The following BARD1 variants were observed in gnomAD, a reference collection of about 807,000 sequenced individuals.
BARD1 encodes the protein BRCA1 associated RING domain 1, also known as BRCA1-associated RING domain protein 1.
A neutral mutation model predicts 77.0 loss-of-function variants in BARD1; 73 were observed. The ratio of observed to expected loss-of-function variants is 0.95; its 90% confidence interval spans 0.79 to 1.15. The LOEUF is 1.15. BARD1 is among the 50% of genes most tolerant of loss of function. The pLI is 0.00. For missense variants in BARD1, 993 were observed against 938.8 expected, an observed-to-expected ratio of 1.06 and a Z score of -0.75; for synonymous variants, 384 against 338.0, an observed-to-expected ratio of 1.14 and a Z score of -1.49.
Position 214,728,683 on chromosome 2 carries a change from T to C in BARD1, c.2327A>G (p.Asp776Gly), listed in dbSNP as rs1315454940. Residue 776 changes from aspartate (D) to glycine (G), a missense_variant, in exon 11 of 11, where the codon GAC (aspartate) becomes GGC (glycine). Transcript: ENST00000260947. ...GTTCATCTGGTATAATATTCAGCTG[T>C]CAAGAGGAAGCAACTCAAAGGACAT... ...CVMSFELLPL[D>G]S 6.2e-7 allele frequency: 1 copy of C among 1,614,162 alleles called. No homozygotes were observed. Among genetic ancestry groups the C allele is most frequent in the Non-Finnish European group, 8.5e-7 (1 of 1,180,018 alleles).
chr2:214,792,383 T>G lies in BARD1; in HGVS notation c.278A>C (p.Gln93Pro). 6.2e-7 allele frequency: 1 copy of G among 1,613,268 alleles called. No homozygotes were observed. The highest frequency in any genetic ancestry group is 1.7e-4 in the Middle Eastern group (1 of 6,058). ...CAGTTGTCTATTTATCTTCAAGTCTTGTATCCAGGCCGGGGTGTAACACAC... is the reference window on the plus strand; with the variant it reads ...CAGTTGTCTATTTATCTTCAAGTCTGGTATCCAGGCCGGGGTGTAACACAC... Reference protein sequence around the residue: ...CPVCYTPAWIQDLKINRQLDS... With the variant: ...CPVCYTPAWIPDLKINRQLDS... The change falls in exon 3 of 11, where the codon CAA (glutamine) becomes CCA (proline). Residue 93 changes from glutamine to proline, a missense_variant. By Grantham distance (76) the Gln-to-Pro change is moderately conservative (BLOSUM62 -1). Coordinates refer to ENST00000260947, the MANE Select transcript of BARD1 (RefSeq NM_000465.4).
At chr2:214,767,123 G>A (rs769980675) in intron 6 of BARD1, among the ~76,000 whole-genome samples, 22 of 152,112 alleles carry the variant, frequency 1.4e-4, no homozygotes, top group Non-Finnish European at 2.1e-4. Flanking sequence ...ATGGCCTCCA[G>A]CTCCATCATG....
In BARD1 at chr2:214,804,938, G is replaced by A. The variant is rs141620696; in HGVS notation, c.158+4474C>T. Reference sequence around the variant, plus strand: ...AGCACTTTAGGAGGCCAAGAAGTGCGGATCACAAGGTCAGGAGTTCGAGAC... The same window carrying A: ...AGCACTTTAGGAGGCCAAGAAGTGCAGATCACAAGGTCAGGAGTTCGAGAC... On this transcript the variant is annotated intron_variant, in intron 1 of 10. Coordinates refer to ENST00000260947, the MANE Select transcript of BARD1 (RefSeq NM_000465.4). Among the ~76,000 whole-genome samples the A allele has an allele frequency of 2.0e-3, 306 of 152,240 alleles. 1 individual carries two copies. Among genetic ancestry groups the A allele is most frequent in the Non-Finnish European group, 3.5e-3 (236 of 68,012 alleles).
At chr2:214,772,648 C>T (rs954494782) in intron 4 of BARD1, among the ~76,000 whole-genome samples, 1 of 152,156 alleles carries the variant, frequency 6.6e-6, no homozygotes, top group Non-Finnish European at 1.5e-5. Context: ...TGTTAACATT[C>T]TCCCCACCCC....
At chr2:214,738,716 A>G (rs1424126534) in intron 9 of BARD1, among the ~76,000 whole-genome samples, 3 of 152,192 alleles carry the variant, frequency 2.0e-5, no homozygotes, top group African/African-American at 7.2e-5. Context: ...GAATACAATG[A>G]AGATGGAAGA....
At position 214,782,826 on chromosome 2, in the gene BARD1, T is replaced by A. The variant is rs1333691450; in HGVS notation, c.365-1317A>T. ...TGTAGAATTACCACTCTGACTGCCA[T>A]GTGGAGGAGGAACTTTGGAAAGAAA... On this transcript the variant is annotated intron_variant, in intron 3 of 10. Coordinates refer to ENST00000260947, the MANE Select transcript of BARD1 (RefSeq NM_000465.4). Among the ~76,000 whole-genome samples the A allele has an allele frequency of 6.6e-5, 10 of 152,276 alleles. No homozygotes were observed. The South Asian group carries it at 2.1e-3, about 32-fold the overall frequency.
intron 6 of BARD1, 69 bp from the exon 7 acceptor site, chr2:214,752,624 T>C: frequency 9.2e-7 from 1 of 1,088,272 alleles, no homozygotes; most frequent in Non-Finnish European, 1.4e-6. Context: ...TTCAACATCC[T>C]TAATAATATA....
At chr2:214,731,505 A>C (rs1692354973) in intron 9 of BARD1, among the ~76,000 whole-genome samples, 1 of 152,250 alleles carries the variant, frequency 6.6e-6, no homozygotes, top group Non-Finnish European at 1.5e-5. Flanking sequence ...TGAGATTTGC[A>C]GTTGAAGGAC....
Position 214,780,779 on chromosome 2 carries a change from T to G in BARD1, c.1095A>C (p.Pro365=), listed in dbSNP as rs1334381637. The change falls in exon 4 of 11, where the codon CCA becomes CCC. Residue 365 remains proline (P), a synonymous_variant. Coordinates refer to ENST00000260947, the MANE Select transcript of BARD1 (RefSeq NM_000465.4). Reference sequence around the variant, plus strand: ...CACCAACTTTACGTTTGCATGAAGGTGGTGAAGAACATTCAGGCAATGGTA... The same window carrying G: ...CACCAACTTTACGTTTGCATGAAGGGGGTGAAGAACATTCAGGCAATGGTA... The part of the protein sequence containing the change: ...ENIPLPECSS[P]PSCKRKVGGT... The G allele has an allele frequency of 6.5e-7, 1 of 1,541,516 alleles. No individual in the cohort carries two copies. Among genetic ancestry groups the G allele is most frequent in the South Asian group, 1.3e-5 (1 of 78,624 alleles).
In BARD1 at chr2:214,726,120, G is replaced by A. The variant is rs924645547; in HGVS notation, c.*2556C>T. The A allele has an allele frequency of 5.1e-5, 11 of 217,138 alleles. No homozygotes were observed. Among genetic ancestry groups the A allele is most frequent in the Non-Finnish European group, 1.0e-4 (11 of 108,240 alleles). The allele number at this position is 217,138 out of a possible 1,614,324, so 13.5% of individuals were successfully genotyped here. ...ATTCAAGTAGCTAAACTATCTTTTAGGTGAAGTCAGTGAAAACCTTCACAC... is the reference window on the plus strand; with the variant it reads ...ATTCAAGTAGCTAAACTATCTTTTAAGTGAAGTCAGTGAAAACCTTCACAC... On this transcript the variant is annotated 3_prime_UTR_variant, in exon 11 of 11. Coordinates refer to ENST00000260947, the MANE Select transcript of BARD1 (RefSeq NM_000465.4).
intron 4 of BARD1, among the ~76,000 whole-genome samples, chr2:214,773,057 G>C (rs760934555): frequency 3.9e-5 from 6 of 152,174 alleles, no homozygotes; most frequent in African/African-American, 7.2e-5. Context: ...CTGAAAATAA[G>C]AGTGTGTGTG....
intron 6 of BARD1, among the ~76,000 whole-genome samples, chr2:214,754,899 T>C (rs1433275015): frequency 6.6e-6 from 1 of 152,202 alleles, no homozygotes; most frequent in African/African-American, 2.4e-5. Flanking sequence ...ATGTTGCTTC[T>C]GCTTTGTCAT....
chr2:214,769,198 A>C, intron 5 of BARD1, 34 bp downstream of exon 5: 1 of 1,549,324 alleles, frequency 6.5e-7, no homozygotes, highest in Non-Finnish European at 8.9e-7. Flanking sequence ...ACTGTAAAAC[A>C]CAGAAAGAAT....
intron 1 of BARD1, among the ~76,000 whole-genome samples, chr2:214,804,154 C>G (rs944306537): frequency 6.6e-6 from 1 of 152,086 alleles, no homozygotes; most frequent in Non-Finnish European, 1.5e-5. Flanking sequence ...TGCAGGCTCA[C>G]CAAGCCAATT....
chr2:214,743,741 G>A (rs1319027184), intron 9 of BARD1, among the ~76,000 whole-genome samples: 2 of 152,052 alleles, frequency 1.3e-5, no homozygotes, highest in African/African-American at 4.8e-5. Flanking sequence ...GTGCCACCAC[G>A]CCTGGCTCAT....
chr2:214,794,874 T>C (rs1367181971), intron 2 of BARD1, among the ~76,000 whole-genome samples: 6 of 152,216 alleles, frequency 3.9e-5, no homozygotes, highest in Non-Finnish European at 8.8e-5. Flanking sequence ...ACTGAATGAA[T>C]TCTTTCCTAC....
intron 9 of BARD1, chr2:214,731,105 T>C (rs1301818931): frequency 8.1e-6 from 2 of 247,964 alleles, no homozygotes; most frequent in African/African-American, 4.5e-5. Context: ...CTGAGGTTGC[T>C]AGTCTAGAGA....
chr2:214,729,689 G>T (rs1692264621), intron 10 of BARD1, among the ~76,000 whole-genome samples: 1 of 152,084 alleles, frequency 6.6e-6, no homozygotes, highest in Admixed American at 6.6e-5. Flanking sequence ...TATTTGGTGG[G>T]ACTTAAAGCC....
intron 9 of BARD1, among the ~76,000 whole-genome samples, chr2:214,743,826 C>G (rs962761951): frequency 2.9e-4 from 44 of 152,138 alleles, no homozygotes; most frequent in African/African-American, 1.0e-3. Context: ...GCCCAAAGTG[C>G]TAAGATTACA....
Sources: gnomAD v4.1 joint callset for allele counts (sites outside exome capture counted in the v4.1 genomes callset) on GRCh38, gnomAD v4.1.1 for gene constraint, MANE v1.5 for transcripts, NCBI Gene and HGNC (gene_info 2026-07-23, HGNC 2026-07-21) for gene names.